CDH8: variants seen among roughly 807,000 people sequenced by gnomAD.
The protein encoded by CDH8 is cadherin-8.
A neutral mutation model predicts 68.1 loss-of-function variants in CDH8; 17 were observed. The observed-to-expected ratio is 0.25, with a 90% CI of 0.17 to 0.37. The LOEUF is 0.37. CDH8 is among the 10% of genes least tolerant of loss of function. The pLI is 1.00. For synonymous variants in CDH8, 372 were observed against 365.1 expected (o/e 1.02, Z -0.21); for missense variants, 763 against 999.3 (o/e 0.76, Z 3.19).
At position 61,651,221 on chromosome 16, in the gene CDH8, T is replaced by A. The variant is rs961351887; in HGVS notation, c.*2387A>T. 1 of 152,120 alleles carries A rather than the reference T, an allele frequency of 6.6e-6. No homozygotes were observed. Among genetic ancestry groups the A allele is most frequent in the Non-Finnish European group, 1.5e-5 (1 of 68,022 alleles). 9.4% of individuals were successfully genotyped at this position (152,120 alleles called of 1,614,324 possible). On this transcript the variant is annotated 3_prime_UTR_variant, in exon 12 of 12. Transcript: ENST00000577390. ...AGGTGTAAGATAGTTGGAATATTAC[T>A]ATTGGTTATTACTGCAACTACTACT...
chr16:61,989,196 G>A (rs543816597), intron 2 of CDH8, among the ~76,000 whole-genome samples: 1 of 152,262 alleles, frequency 6.6e-6, no homozygotes, highest in Non-Finnish European at 1.5e-5. Context: ...AAAAATAAAA[G>A]GGATGCTGAA....
chr16:61,848,495 T>C (rs571255833), intron 4 of CDH8, among the ~76,000 whole-genome samples: 1 of 152,254 alleles, frequency 6.6e-6, no homozygotes, highest in Non-Finnish European at 1.5e-5. Flanking sequence ...AACTGTTCTA[T>C]GTGCTTGGAG....
rs779805931 is a variant in CDH8 at position 61,727,103 on chromosome 16, T to C, written c.1527A>G (p.Lys509=). The change falls in exon 9 of 12, where the codon AAA becomes AAG. Residue 509 remains lysine (K), a synonymous_variant. Transcript: ENST00000577390. ...EYEAFLCENG[K]PGQVIQTVSA... ...ACATGGAGATATTTACTTGGCCGGG[T>C]TTTCCATTTTCACATAAAAATGCCT... is the stretch of plus-strand genomic sequence containing the variant. 8 of 1,610,464 alleles carry C rather than the reference T, an allele frequency of 5.0e-6. No individual in the cohort carries two copies. In the African/African-American group the frequency reaches 1.1e-4, roughly 22 times the overall value.
intron 2 of CDH8, among the ~76,000 whole-genome samples, chr16:61,973,217 A>G (rs1227134684): frequency 1.3e-5 from 2 of 152,194 alleles, no homozygotes; most frequent in African/African-American, 2.4e-5. Flanking sequence ...CAGCCTTCTC[A>G]ACTGAGGATG....
intron 8 of CDH8, among the ~76,000 whole-genome samples, chr16:61,765,375 T>C (rs1960562522): frequency 6.6e-6 from 1 of 152,052 alleles, no homozygotes; most frequent in Non-Finnish European, 1.5e-5. Context: ...ATTATAGCCA[T>C]GATTTCAAAG....
chr16:61,769,360 G>A (rs1455485291), intron 8 of CDH8, among the ~76,000 whole-genome samples: 7 of 151,702 alleles, frequency 4.6e-5, no homozygotes, highest in Admixed American at 3.3e-4. Context: ...CAACAACATA[G>A]AAAGGTATTA....
chr16:61,812,113 TGA>T (rs765090827), intron 7 of CDH8, among the ~76,000 whole-genome samples: 3 of 151,972 alleles, frequency 2.0e-5, no homozygotes, highest in African/African-American at 7.3e-5. Flanking sequence ...TTACAGAAAT[TGA>T]GAGTTATTGC....
intron 8 of CDH8, among the ~76,000 whole-genome samples, chr16:61,784,218 T>C (rs1162146522): frequency 4.6e-5 from 7 of 151,734 alleles, no homozygotes; most frequent in Non-Finnish European, 1.0e-4. Flanking sequence ...CACACATAGG[T>C]TCAAAATAAA....
chr16:61,821,789 T>C (rs904677463), intron 5 of CDH8, among the ~76,000 whole-genome samples: 4 of 151,984 alleles, frequency 2.6e-5, no homozygotes, highest in East Asian at 1.9e-4. Context: ...ATTAGTGTCA[T>C]TAGTCCATTT....
chr16:61,879,572 C>T (rs1963530120), intron 3 of CDH8, among the ~76,000 whole-genome samples: 2 of 152,238 alleles, frequency 1.3e-5, no homozygotes, highest in Non-Finnish European at 2.9e-5. Context: ...ATCATCCTCA[C>T]AAACTGCTCT....
At chr16:61,910,082 C>G (rs1964134908) in intron 2 of CDH8, among the ~76,000 whole-genome samples, 1 of 152,110 alleles carries the variant, frequency 6.6e-6, no homozygotes, top group East Asian at 1.9e-4. Flanking sequence ...TTCTTAAATA[C>G]TTATTATGAT....
At position 61,960,013 on chromosome 16, in the gene CDH8, T is replaced by TATATATATAC. The variant is rs1428445364; in HGVS notation, c.253-58541_253-58540insGTATATATAT. Among the ~76,000 whole-genome samples the TATATATATAC allele has an allele frequency of 4.3e-4, 35 of 80,552 alleles. 3 individuals carry two copies. The highest frequency in any genetic ancestry group is 1.1e-3 in the East Asian group (3 of 2,638). 52.8% of individuals were successfully genotyped at this position (80,552 alleles called of 152,430 possible). A position where few individuals can be genotyped will look rare whatever the true frequency, so the allele number is the denominator to read the frequency against. On this transcript the variant is annotated intron_variant, in intron 2 of 11. Coordinates refer to ENST00000577390, the MANE Select transcript of CDH8 (RefSeq NM_001796.5). ...ATATATATATATATATATATATATA[T>TATATATATAC]ATACACACATACACACACACACACA...
intron 5 of CDH8, among the ~76,000 whole-genome samples, 183 bp from the exon 6 acceptor site, chr16:61,821,296 GAGAAAAACAGTTCCC>G (rs1962210100): frequency 6.6e-6 from 1 of 152,016 alleles, no homozygotes; most frequent in South Asian, 2.1e-4. Flanking sequence ...AACTGAATCA[GAGAAAAACAGTTCCC>G]AGAAGAAGGC....
chr16:61,761,992 CTT>C (rs1393745332), intron 8 of CDH8, among the ~76,000 whole-genome samples: 3 of 151,994 alleles, frequency 2.0e-5, no homozygotes, highest in South Asian at 2.1e-4. Context: ...CAGAGCAAGA[CTT>C]TGTCTCAAAA....
chr16:61,926,440 C>T (rs1166353957), intron 2 of CDH8, among the ~76,000 whole-genome samples: 3 of 152,136 alleles, frequency 2.0e-5, no homozygotes, highest in Non-Finnish European at 2.9e-5. Flanking sequence ...CTTTGTAACA[C>T]CTTCAAATTA....
chr16:61,820,532 T>C (rs897923670), intron 6 of CDH8, among the ~76,000 whole-genome samples: 2 of 151,862 alleles, frequency 1.3e-5, no homozygotes, highest in African/African-American at 4.8e-5. Flanking sequence ...TCTTAAACAA[T>C]ATGACTCAGA....
chr16:61,889,093 G>A (rs1276753589), intron 3 of CDH8, among the ~76,000 whole-genome samples: 1 of 152,158 alleles, frequency 6.6e-6, no homozygotes. Context: ...GGATGTATAT[G>A]AGATTATGTG....
chr16:61,677,575 C>G (rs759274008), intron 10 of CDH8, among the ~76,000 whole-genome samples: 1 of 151,888 alleles, frequency 6.6e-6, no homozygotes, highest in Non-Finnish European at 1.5e-5. Flanking sequence ...ATTGCAACAA[C>G]CCCCAATCTT....
At chr16:61,903,319 T>C (rs1964008910) in intron 2 of CDH8, among the ~76,000 whole-genome samples, 1 of 152,148 alleles carries the variant, frequency 6.6e-6, no homozygotes, top group Admixed American at 6.5e-5. Context: ...AGGTTTTTGT[T>C]TGTTTGTTTT....
Sources: gnomAD v4.1 joint callset for allele counts (sites outside exome capture counted in the v4.1 genomes callset) on GRCh38, gnomAD v4.1.1 for gene constraint, MANE v1.5 for transcripts, NCBI Gene and HGNC (gene_info 2026-07-23, HGNC 2026-07-21) for gene names.